CDC25A: variants seen among roughly 807,000 people sequenced by gnomAD.
The protein encoded by CDC25A is M-phase inducer phosphatase 1.
In CDC25A, 17 loss-of-function variants were observed where a neutral mutation model predicts 64.6. The ratio of observed to expected loss-of-function variants is 0.26; its 90% CI spans 0.18 to 0.39. The LOEUF (loss-of-function observed/expected upper bound fraction) is 0.39. Among genes scored for constraint, CDC25A ranks in the 10% least tolerant of loss-of-function variants. The pLI is 1.00. For missense variants in CDC25A, 473 were observed against 654.8 expected, an observed-to-expected ratio of 0.72 and a Z score of 3.03; for synonymous variants, 229 against 238.6, an observed-to-expected ratio of 0.96 and a Z score of 0.37.
intron 14 of CDC25A, 60 bp downstream of exon 14, chr3:48,159,284 T>C (rs1274251688): frequency 1.5e-6 from 2 of 1,356,678 alleles, no homozygotes; most frequent in African/African-American, 2.9e-5. Flanking sequence ...ACCAGACAGA[T>C]CCATTAGTCT....
chr3:48,159,157 A>C, intron 14 of CDC25A, 72 bp from the exon 15 acceptor site: 1 of 1,558,694 alleles, frequency 6.4e-7, no homozygotes, highest in Non-Finnish European at 8.8e-7. Flanking sequence ...CTCTCTGCCT[A>C]GGGCTACAAG....
At chr3:48,168,198 A>AG (rs2032115111) in intron 9 of CDC25A, among the ~76,000 whole-genome samples, 1 of 151,238 alleles carries the variant, frequency 6.6e-6, no homozygotes, top group Non-Finnish European at 1.5e-5. Context: ...AAAAAAAAAA[A>AG]AAGGGGGTGC....
At chr3:48,166,507 C>G (rs3731544) in intron 10 of CDC25A, among the ~76,000 whole-genome samples, 7 of 152,272 alleles carry the variant, frequency 4.6e-5, no homozygotes, top group Non-Finnish European at 8.8e-5. Context: ...AGAATCCACA[C>G]GTCAGTAGTT....
At chr3:48,184,545 T>C (rs1008135122) in intron 3 of CDC25A, 108 bp downstream of exon 3, 3 of 743,140 alleles carry the variant, frequency 4.0e-6, no homozygotes, top group Non-Finnish European at 4.5e-6. Flanking sequence ...TAGGCACAGG[T>C]AAATCCAGGG....
rs1402604897 is a variant in CDC25A, at chr3:48,188,166, G to A, written c.-219C>T. On this transcript the variant is annotated 5_prime_UTR_variant, in exon 1 of 15. Transcript: ENST00000302506. The stretch of plus-strand genomic sequence containing the variant: ...CGCCAGCCACCAGCCACAGGCACGG[G>A]TGCTTCCCTCTCACACCGCGAGGCC... The A allele has an allele frequency of 8.4e-6, 3 of 356,510 alleles. No homozygotes were observed. The highest frequency in any genetic ancestry group is 1.5e-3 in the Middle Eastern group (2 of 1,328). 22.1% of individuals were successfully genotyped at this position (356,510 alleles called of 1,614,324 possible).
chr3:48,173,054 C>T (rs1464036844), intron 9 of CDC25A, among the ~76,000 whole-genome samples: 1 of 151,828 alleles, frequency 6.6e-6, no homozygotes, highest in African/African-American at 2.4e-5. Context: ...CCCGTCTCTA[C>T]TAAAAATACA....
At chr3:48,180,023 C>T (rs2032604344) in intron 6 of CDC25A, among the ~76,000 whole-genome samples, 1 of 152,152 alleles carries the variant, frequency 6.6e-6, no homozygotes, top group Non-Finnish European at 1.5e-5. Context: ...CTGGCAAATA[C>T]ATAGCCCTGA....
chr3:48,173,410 G>A (rs916796691), intron 9 of CDC25A, among the ~76,000 whole-genome samples: 5 of 152,046 alleles, frequency 3.3e-5, no homozygotes, highest in African/African-American at 9.7e-5. Flanking sequence ...AATTAAAAAC[G>A]AATGAGTTAA....
intron 8 of CDC25A, among the ~76,000 whole-genome samples, chr3:48,176,179 A>C (rs755473490): frequency 6.6e-6 from 1 of 152,192 alleles, no homozygotes; most frequent in East Asian, 1.9e-4. Flanking sequence ...TCTCAAAAAC[A>C]AAACAAAACA....
At chr3:48,182,322 A>G (rs1443264638) in intron 5 of CDC25A, among the ~76,000 whole-genome samples, 2 of 152,220 alleles carry the variant, frequency 1.3e-5, no homozygotes, top group Non-Finnish European at 2.9e-5. Context: ...ATATAGAAAT[A>G]CAGTAGAGAG....
In CDC25A at chr3:48,160,375, T is replaced by C. The variant is rs112453499; in HGVS notation, c.1323-920A>G. ...CCACCTGCCTTGGCCTCCCAAAGTG[T>C]TGGGATTACAGGAGTTAGCCACCGC... On this transcript the variant is annotated intron_variant, in intron 13 of 14. Transcript: ENST00000302506. 2.1e-3 allele frequency among the ~76,000 whole-genome samples: 310 copies of C among 150,730 alleles called. 3 individuals are homozygous for C. Among genetic ancestry groups the C allele is most frequent in the African/African-American group, 6.8e-3 (279 of 41,002 alleles).
chr3:48,187,658 C>G (rs2032892528), intron 1 of CDC25A, 120 bp downstream of exon 1: 3 of 1,029,320 alleles, frequency 2.9e-6, no homozygotes, highest in Non-Finnish European at 2.7e-6. Flanking sequence ...CGGCTGTCCC[C>G]GAGCGGCGAA....
rs113505416 is a variant in CDC25A, at chr3:48,174,783, A to G, written c.757-326T>C. The G allele has an allele frequency of 1.4e-3, 268 of 184,904 alleles. 1 individual carries two copies. The highest frequency in any genetic ancestry group is 6.0e-3 in the African/African-American group (255 of 42,762). 11.5% of individuals were successfully genotyped at this position (184,904 alleles called of 1,614,324 possible). ...TCAGGAACACATTTTTGGCTTGCCT[A>G]TCTTCCCCTCCATTTTATTACTTGC... On this transcript the variant is annotated intron_variant, in intron 8 of 14. Coordinates refer to ENST00000302506, the MANE Select transcript of CDC25A (RefSeq NM_001789.3).
At chr3:48,187,739 G>A (rs1227877661) in intron 1 of CDC25A, 39 bp downstream of exon 1, 4 of 1,519,088 alleles carry the variant, frequency 2.6e-6, no homozygotes, top group Non-Finnish European at 2.7e-6. Flanking sequence ...CGACACCGAG[G>A]CCAGGGGCCC....
chr3:48,159,139 C>A, intron 14 of CDC25A, 54 bp from the exon 15 acceptor site: 1 of 1,592,640 alleles, frequency 6.3e-7, no homozygotes, highest in Non-Finnish European at 8.6e-7. Context: ...CACCCACAAC[C>A]TGGTTTCCTC....
chr3:48,180,956 C>T (rs1315435450), intron 5 of CDC25A, 116 bp from the exon 6 acceptor site: 1 of 908,434 alleles, frequency 1.1e-6, no homozygotes, highest in African/African-American at 1.7e-5. Context: ...ATTAAAGTTT[C>T]ACCTAATTCC....
chr3:48,168,998 A>C (rs974000271), intron 9 of CDC25A, among the ~76,000 whole-genome samples: 30 of 152,174 alleles, frequency 2.0e-4, no homozygotes, highest in Admixed American at 1.3e-3. Context: ...GCTGTTAAAA[A>C]GGGGATAATT....
intron 2 of CDC25A, among the ~76,000 whole-genome samples, chr3:48,185,298 C>T (rs2032807276): frequency 6.6e-6 from 1 of 151,796 alleles, no homozygotes; most frequent in Non-Finnish European, 1.5e-5. Flanking sequence ...GTCTGTAGTC[C>T]CAGCTACTTG....
At chr3:48,179,928 T>C (rs1443838419) in intron 6 of CDC25A, among the ~76,000 whole-genome samples, 2 of 152,130 alleles carry the variant, frequency 1.3e-5, no homozygotes, top group Non-Finnish European at 1.5e-5. Flanking sequence ...CTTGCTCAAG[T>C]TGGGCCTCTC....
Sources: allele counts gnomAD v4.1 joint callset (sites outside exome capture counted in the v4.1 genomes callset), GRCh38; gene constraint gnomAD v4.1.1; transcripts MANE v1.5; gene names NCBI Gene and HGNC (gene_info 2026-07-23, HGNC 2026-07-21).